PINX1: variants seen among roughly 807,000 people sequenced by gnomAD.
PINX1 encodes PIN2/TERF1-interacting telomerase inhibitor 1.
A neutral mutation model predicts 25.4 loss-of-function variants in PINX1; 34 were observed. The ratio of observed to expected loss-of-function variants is 1.34; its 90% CI spans 1.02 to 1.78. The LOEUF is 1.78. Among genes scored for constraint, PINX1 ranks in the 40% most tolerant of loss-of-function variants. The probability of loss-of-function intolerance (pLI) is 0.00; values close to 1 mark genes in which losing one functional copy is unlikely to be tolerated. For missense variants in PINX1, 592 were observed against 404.9 expected (o/e 1.46, Z -3.97); for synonymous variants, 197 against 147.7 (o/e 1.33, Z -2.42).
chr8:10,823,484 G>C (rs955425662), intron 5 of PINX1, among the ~76,000 whole-genome samples: 3 of 151,818 alleles, frequency 2.0e-5, no homozygotes, highest in Non-Finnish European at 4.4e-5. Flanking sequence ...CCCCTCTGCA[G>C]ATATAGCCTC....
At chr8:10,786,938 A>G (rs1300137577) in intron 6 of PINX1, among the ~76,000 whole-genome samples, 1 of 152,028 alleles carries the variant, frequency 6.6e-6, no homozygotes, top group Non-Finnish European at 1.5e-5. Flanking sequence ...GAACATTTTT[A>G]AGACTCCCAA....
chr8:10,822,730 G>C (rs1007049567), intron 5 of PINX1, among the ~76,000 whole-genome samples: 4 of 152,118 alleles, frequency 2.6e-5, no homozygotes, highest in Non-Finnish European at 4.4e-5. Context: ...AGATGATTTG[G>C]AAACAGTTTA....
At chr8:10,782,699 A>G (rs1281340733) in intron 6 of PINX1, among the ~76,000 whole-genome samples, 1 of 152,130 alleles carries the variant, frequency 6.6e-6, no homozygotes, top group Admixed American at 6.6e-5. Flanking sequence ...TGGTGCCACT[A>G]CCCTTCAACC....
chr8:10,817,402 A>T (rs967630959), intron 6 of PINX1, among the ~76,000 whole-genome samples: 1 of 152,214 alleles, frequency 6.6e-6, no homozygotes, highest in Non-Finnish European at 1.5e-5. Context: ...TTTGACTATA[A>T]GGGCTGTTGT....
intron 6 of PINX1, among the ~76,000 whole-genome samples, chr8:10,815,746 T>C (rs910256058): frequency 2.0e-5 from 3 of 152,186 alleles, no homozygotes; most frequent in African/African-American, 7.2e-5. Flanking sequence ...TACTTACATA[T>C]CACTTCACAG....
At chr8:10,802,836 T>A (rs1351710562) in intron 6 of PINX1, among the ~76,000 whole-genome samples, 1 of 152,246 alleles carries the variant, frequency 6.6e-6, no homozygotes, top group Non-Finnish European at 1.5e-5. Context: ...GGGACAACTA[T>A]CTTTCTTCTC....
At chr8:10,771,466 C>T (rs1357490285) in intron 6 of PINX1, 2 of 152,200 alleles carry the variant, frequency 1.3e-5, no homozygotes, top group African/African-American at 4.8e-5. Context: ...CAACTTGTTG[C>T]TTCTATTTTC....
At chr8:10,826,655 G>A (rs1334324031) in intron 4 of PINX1, among the ~76,000 whole-genome samples, 1 of 152,174 alleles carries the variant, frequency 6.6e-6, no homozygotes, top group African/African-American at 2.4e-5. Flanking sequence ...TCCTTACAGT[G>A]GAATACCACT....
intron 6 of PINX1, among the ~76,000 whole-genome samples, chr8:10,775,752 G>C (rs79503756): frequency 6.6e-6 from 1 of 152,244 alleles, no homozygotes; most frequent in Non-Finnish European, 1.5e-5. Flanking sequence ...GACAGAACAT[G>C]TGATCTAGGA....
At chr8:10,790,679 T>C (rs1196139303) in intron 6 of PINX1, among the ~76,000 whole-genome samples, 1 of 152,202 alleles carries the variant, frequency 6.6e-6, no homozygotes, top group Non-Finnish European at 1.5e-5. Flanking sequence ...GCTCGGGCTC[T>C]GGCATCCTCT....
intron 6 of PINX1, among the ~76,000 whole-genome samples, chr8:10,801,644 C>T (rs1276432551): frequency 6.6e-6 from 1 of 152,212 alleles, no homozygotes; most frequent in African/African-American, 2.4e-5. Flanking sequence ...TCCAAAGTCA[C>T]ACTGAGGGCT....
chr8:10,776,940 G>A (rs1801415611), intron 6 of PINX1, among the ~76,000 whole-genome samples: 7 of 152,136 alleles, frequency 4.6e-5, no homozygotes, highest in Admixed American at 4.6e-4. Flanking sequence ...CTGCTTTCCT[G>A]GCAAGAGAGA....
At chr8:10,802,648 C>T (rs185628338) in intron 6 of PINX1, among the ~76,000 whole-genome samples, 84 of 152,280 alleles carry the variant, frequency 5.5e-4, no homozygotes, top group African/African-American at 2.0e-3. Flanking sequence ...ACACAGAGGG[C>T]AGGGGCCCGG....
intron 6 of PINX1, among the ~76,000 whole-genome samples, chr8:10,811,442 G>A (rs1797518972): frequency 6.6e-6 from 1 of 152,122 alleles, no homozygotes; most frequent in African/African-American, 2.4e-5. Flanking sequence ...AGAACCACAG[G>A]AAGACAAATC....
chr8:10,792,331 C>G (rs914924144), intron 6 of PINX1, among the ~76,000 whole-genome samples: 1 of 151,964 alleles, frequency 6.6e-6, no homozygotes, highest in Non-Finnish European at 1.5e-5. Flanking sequence ...TATGGACTAG[C>G]AAGGACAACA....
chr8:10,838,575 C>G (rs1798475752), intron 1 of PINX1, among the ~76,000 whole-genome samples: 1 of 152,182 alleles, frequency 6.6e-6, no homozygotes, highest in Admixed American at 6.5e-5. Flanking sequence ...AGAACTAGGG[C>G]CAAAGTCGCC....
At chr8:10,813,663 G>A (rs187070848) in intron 6 of PINX1, among the ~76,000 whole-genome samples, 2 of 152,262 alleles carry the variant, frequency 1.3e-5, no homozygotes, top group Admixed American at 6.5e-5. Flanking sequence ...TTGGTATCCT[G>A]GGAGAGTGAA....
chr8:10,797,202 T>C (rs988149332), intron 6 of PINX1, among the ~76,000 whole-genome samples: 7 of 152,314 alleles, frequency 4.6e-5, no homozygotes, highest in African/African-American at 1.7e-4. Context: ...CAGGTTACTT[T>C]AACCTTTGTC....
intron 6 of PINX1, among the ~76,000 whole-genome samples, chr8:10,769,281 A>T (rs7010926): frequency 1.3e-5 from 2 of 151,958 alleles, no homozygotes; most frequent in African/African-American, 4.8e-5. Context: ...TTTTGCACCA[A>T]CCTAATAAAA....
Sources: gnomAD v4.1 joint callset for allele counts (sites outside exome capture counted in the v4.1 genomes callset) on GRCh38, gnomAD v4.1.1 for gene constraint, MANE v1.5 for transcripts, NCBI Gene and HGNC (gene_info 2026-07-23, HGNC 2026-07-21) for gene names.